BIN3: variants seen among roughly 807,000 people sequenced by gnomAD.
BIN3 encodes the protein bridging integrator 3.
BIN3 carries 41 observed loss-of-function variants against 38.2 expected under a neutral mutation model. That is an observed-to-expected ratio of 1.07 (90% confidence interval 0.84 to 1.39). The LOEUF is 1.39. BIN3 is among the 40% of genes most tolerant of loss of function. The pLI, the probability that BIN3 is intolerant of heterozygous loss-of-function variation, is 0.00. For missense variants in BIN3, 361 were observed against 324.3 expected (o/e 1.11, Z -0.87); for synonymous variants, 145 against 122.6 (o/e 1.18, Z -1.21).
chr8:22,636,309 T>G (rs1802363037), intron 4 of BIN3, among the ~76,000 whole-genome samples: 1 of 152,186 alleles, frequency 6.6e-6, no homozygotes, highest in South Asian at 2.1e-4. Flanking sequence ...CAGGAGAGCC[T>G]TGCCCCAGCA....
intron 1 of BIN3, among the ~76,000 whole-genome samples, chr8:22,659,941 G>C (rs540719783): frequency 1.3e-5 from 2 of 152,280 alleles, no homozygotes; most frequent in East Asian, 3.9e-4. Context: ...TCCAGAAGGG[G>C]TGACTTGTAA....
intron 6 of BIN3, chr8:22,625,639 G>C (rs1044164660): frequency 3.3e-5 from 18 of 537,322 alleles, no homozygotes; most frequent in Non-Finnish European, 4.7e-5. Context: ...CCAGGCTGGA[G>C]TACAGTGGTA....
At chr8:22,641,516 G>A (rs1017308421) in intron 2 of BIN3, among the ~76,000 whole-genome samples, 4 of 152,212 alleles carry the variant, frequency 2.6e-5, no homozygotes, top group African/African-American at 7.2e-5. Flanking sequence ...GGGCTGAGGT[G>A]CATCTGATCG....
At chr8:22,664,362 CCT>C (rs1803343094) in intron 1 of BIN3, among the ~76,000 whole-genome samples, 2 of 152,182 alleles carry the variant, frequency 1.3e-5, no homozygotes, top group South Asian at 4.1e-4. Flanking sequence ...TTATAGGGCC[CCT>C]GTCTTCAAGG....
At chr8:22,629,540 G>A (rs1241972867) in intron 6 of BIN3, among the ~76,000 whole-genome samples, 1 of 152,262 alleles carries the variant, frequency 6.6e-6, no homozygotes, top group Non-Finnish European at 1.5e-5. Flanking sequence ...CACGTTTCCA[G>A]AGCCGAGTGC....
At chr8:22,646,885 G>A (rs1802729532) in intron 1 of BIN3, among the ~76,000 whole-genome samples, 1 of 147,632 alleles carries the variant, frequency 6.8e-6, no homozygotes. Context: ...TGGAGACAGT[G>A]CAAATGAGGT....
intron 1 of BIN3, among the ~76,000 whole-genome samples, chr8:22,667,409 G>C (rs184744327): frequency 6.6e-6 from 1 of 152,326 alleles, no homozygotes; most frequent in African/African-American, 2.4e-5. Flanking sequence ...CCCAACTTGT[G>C]AAGGAAAGAT....
chr8:22,647,020 C>T (rs1802735571), intron 1 of BIN3, among the ~76,000 whole-genome samples: 1 of 152,180 alleles, frequency 6.6e-6, no homozygotes, highest in South Asian at 2.1e-4. Flanking sequence ...TATCAGAAAA[C>T]GTGGCCTCTG....
At position 22,649,893 on chromosome 8, in the gene BIN3, TCA is replaced by T. The variant is rs1205204474; in HGVS notation, c.9-5092_9-5091del. Among the ~76,000 whole-genome samples, 10 of 148,316 alleles carry T rather than the reference TCA, an allele frequency of 6.7e-5. No homozygotes were observed. In the East Asian group the frequency reaches 1.2e-3, roughly 17 times the overall value. ...AAAAAATTAACAGTAATATCCTGAATCACAGTGTGTACATGTGTGTGTGCATG... is the reference window on the plus strand; with the variant it reads ...AAAAAATTAACAGTAATATCCTGAATCAGTGTGTACATGTGTGTGTGCATG... On this transcript the variant is annotated intron_variant, in intron 1 of 8. Transcript: ENST00000276416.
At chr8:22,654,920 T>C (rs892280113) in intron 1 of BIN3, among the ~76,000 whole-genome samples, 1 of 152,214 alleles carries the variant, frequency 6.6e-6, no homozygotes, top group Non-Finnish European at 1.5e-5. Context: ...TCCAAAGTAA[T>C]TGTATCATTT....
In BIN3 at chr8:22,624,530, G is replaced by A. The variant is rs553654047; in HGVS notation, c.339-167C>T. On this transcript the variant is annotated intron_variant, in intron 6 of 8. Transcript: ENST00000276416. Reference sequence around the variant, plus strand: ...AATGTGCCCTGAGCACCTACCAAGCGCCAGACCCTGCTCTAGGTCTTGGGG... The same window carrying A: ...AATGTGCCCTGAGCACCTACCAAGCACCAGACCCTGCTCTAGGTCTTGGGG... 103 of 777,260 alleles carry A rather than the reference G, an allele frequency of 1.3e-4. No homozygotes were observed. In the African/African-American group the frequency reaches 1.4e-3, roughly 11 times the overall value. The allele number at this position is 777,260 out of a possible 1,614,324, so 48.1% of individuals were successfully genotyped here.
intron 1 of BIN3, among the ~76,000 whole-genome samples, chr8:22,646,386 A>G (rs1802715910): frequency 1.3e-5 from 2 of 152,002 alleles, no homozygotes; most frequent in Admixed American, 6.6e-5. Context: ...CCAGGCCCAC[A>G]TCCCACCCTT....
chr8:22,623,853 T>C (rs1156482440), intron 8 of BIN3, 62 bp downstream of exon 8: 4 of 1,561,952 alleles, frequency 2.6e-6, no homozygotes, highest in Non-Finnish European at 2.6e-6. Context: ...CCAGTGTGGG[T>C]GACAGGGAGT....
intron 1 of BIN3, among the ~76,000 whole-genome samples, chr8:22,665,933 G>C (rs1803403089): frequency 6.6e-6 from 1 of 152,154 alleles, no homozygotes; most frequent in Admixed American, 6.5e-5. Context: ...AGCAGGAATG[G>C]CCACTCCATG....
chr8:22,662,253 C>T (rs1007938198), intron 1 of BIN3, among the ~76,000 whole-genome samples: 6 of 152,222 alleles, frequency 3.9e-5, no homozygotes, highest in African/African-American at 1.4e-4. Context: ...ACTGTTCCAA[C>T]TCCAAAATCT....
intron 1 of BIN3, among the ~76,000 whole-genome samples, chr8:22,660,338 A>G (rs1215627608): frequency 6.6e-6 from 1 of 152,270 alleles, no homozygotes; most frequent in Non-Finnish European, 1.5e-5. Flanking sequence ...CTCCGCAAGG[A>G]GAGCACCTCT....
chr8:22,627,459 C>G (rs1287015164), intron 6 of BIN3, among the ~76,000 whole-genome samples: 1 of 152,182 alleles, frequency 6.6e-6, no homozygotes, highest in Non-Finnish European at 1.5e-5. Context: ...TGTGTGGGAT[C>G]TCAGGTCAGG....
intron 1 of BIN3, among the ~76,000 whole-genome samples, chr8:22,646,883 G>A (rs149312660): frequency 1.3e-4 from 19 of 147,722 alleles, no homozygotes; most frequent in Admixed American, 2.7e-4. Flanking sequence ...TCTGGAGACA[G>A]TGCAAATGAG....
intron 1 of BIN3, among the ~76,000 whole-genome samples, chr8:22,666,466 A>G (rs575505229): frequency 3.2e-4 from 48 of 152,318 alleles, no homozygotes; most frequent in African/African-American, 1.1e-3. Flanking sequence ...GCTTGAGGCC[A>G]AGAAGTGAAT....
Sources: gnomAD v4.1 joint callset for allele counts (sites outside exome capture counted in the v4.1 genomes callset) on GRCh38, gnomAD v4.1.1 for gene constraint, MANE v1.5 for transcripts, NCBI Gene and HGNC (gene_info 2026-07-23, HGNC 2026-07-21) for gene names.